Variants in DNAJC6 observed in about 807,000 individuals in gnomAD.
DNAJC6 encodes the protein DnaJ heat shock protein family (Hsp40) member C6, also known as auxilin.
In DNAJC6, 34 loss-of-function variants were observed where a neutral mutation model predicts 110.0. That is an observed-to-expected ratio of 0.31 (90% CI 0.24 to 0.41). The LOEUF (loss-of-function observed/expected upper bound fraction) is 0.41. Among genes scored for constraint, DNAJC6 ranks in the 10% least tolerant of loss-of-function variants. DNAJC6 has a pLI of 1.00. For synonymous variants in DNAJC6, 406 were observed against 437.2 expected (o/e 0.93, Z 0.89); for missense variants, 1,031 against 1,207.8 (o/e 0.85, Z 2.17).
At chr1:65,364,504 A>G (rs1645626599) in intron 1 of DNAJC6, 131 bp from the exon 2 acceptor site, 4 of 1,116,290 alleles carry the variant, frequency 3.6e-6, no homozygotes, top group South Asian at 1.7e-5. Flanking sequence ...GTGGGACACA[A>G]TTTCCAGGAA....
At chr1:65,399,550 A>C (rs1444270038) in intron 14 of DNAJC6, among the ~76,000 whole-genome samples, 1 of 152,120 alleles carries the variant, frequency 6.6e-6, no homozygotes, top group Non-Finnish European at 1.5e-5. Flanking sequence ...CTTCCCCACA[A>C]CGTAACATTT....
At position 65,408,747 on chromosome 1, in the gene DNAJC6, G is replaced by A; in HGVS notation, c.2598G>A (p.Glu866=). ...GPRTIAEMRK[E]EMAKEMDPEK... is the part of the protein sequence containing the mutation. The stretch of plus-strand genomic sequence containing the variant: ...GGACAATAGCTGAGATGAGAAAGGA[G>A]GAAATGGCCAAGGAAATGGATCCTG... The change falls in exon 17 of 19, where the codon GAG becomes GAA. Residue 866 remains glutamate (E), a synonymous_variant. Transcript: ENST00000371069. 6.2e-7 allele frequency: 1 copy of A among 1,613,858 alleles called. No homozygotes were observed. The highest frequency in any genetic ancestry group is 8.5e-7 in the Non-Finnish European group (1 of 1,179,908).
At position 65,415,314 on chromosome 1, in the gene DNAJC6, T is replaced by C. The variant is rs1646160834; in HGVS notation, c.*2289T>C. The stretch of plus-strand genomic sequence containing the variant: ...TAAGTTATTTGGGTACTTGTAGGAA[T>C]ACAATGAGGAGCTTGAATGCCACCT... On this transcript the variant is annotated 3_prime_UTR_variant, in exon 19 of 19. Coordinates refer to ENST00000371069, the MANE Select transcript of DNAJC6 (RefSeq NM_001256864.2). 6.6e-6 allele frequency: 1 copy of C among 152,206 alleles called. No individual in the cohort carries two copies. Among genetic ancestry groups the C allele is most frequent in the Admixed American group, 6.5e-5 (1 of 15,276 alleles). The allele number at this position is 152,206 out of a possible 1,614,324, so 9.4% of individuals were successfully genotyped here. A position where few individuals can be genotyped will look rare whatever the true frequency, so the allele number is the denominator to read the frequency against.
chr1:65,348,987 A>AATATATATGTAAATATATAT (rs1645462873), intron 1 of DNAJC6, among the ~76,000 whole-genome samples: 2 of 145,736 alleles, frequency 1.4e-5, no homozygotes. Context: ...TAAATATATA[A>AATATATATGTAAATATATAT]ATATATATGT....
At chr1:65,393,366 G>A (rs1645947332) in intron 12 of DNAJC6, among the ~76,000 whole-genome samples, 1 of 152,156 alleles carries the variant, frequency 6.6e-6, no homozygotes. Flanking sequence ...AATTGATAAG[G>A]CCAGTGTCCA....
Position 65,389,423 on chromosome 1 carries a change from A to C in DNAJC6, c.1361A>C (p.Glu454Ala), listed in dbSNP as rs1269208254. 1.2e-6 allele frequency: 2 copies of C among 1,614,026 alleles called. No individual in the cohort carries two copies. Among genetic ancestry groups the C allele is most frequent in the Non-Finnish European group, 1.7e-6 (2 of 1,180,022 alleles). The change falls in exon 10 of 19, where the codon GAA becomes GCA. Residue 454 changes from glutamate to alanine, a missense_variant. Coordinates refer to ENST00000371069, the MANE Select transcript of DNAJC6 (RefSeq NM_001256864.2). ...AGCATCCTCTTCTCTTCTCACCAGG[A>C]ACATCAAGATACGCTGGCCTTAGGA... The part of the protein sequence containing the change: ...NPSILFSSHQ[E>A]HQDTLALGGQ...
Position 65,394,480 on chromosome 1 carries a change from C to A in DNAJC6, c.1904-418C>A, listed in dbSNP as rs115685684. Among the ~76,000 whole-genome samples, 495 of 152,242 alleles carry A rather than the reference C, an allele frequency of 3.3e-3. 4 individuals are homozygous for A. Among genetic ancestry groups the A allele is most frequent in the African/African-American group, 0.012 (481 of 41,552 alleles). Reference sequence around the variant, plus strand: ...TAATAGTTACATATTAGCATTGTTGCAAAGACTAAATTTTGAGCTCTTGTC... The same window carrying A: ...TAATAGTTACATATTAGCATTGTTGAAAAGACTAAATTTTGAGCTCTTGTC... On this transcript the variant is annotated intron_variant, in intron 12 of 18. Coordinates refer to ENST00000371069, the MANE Select transcript of DNAJC6 (RefSeq NM_001256864.2).
chr1:65,362,617 A>G (rs1557542061), intron 1 of DNAJC6, among the ~76,000 whole-genome samples: 3 of 152,204 alleles, frequency 2.0e-5, no homozygotes, highest in Non-Finnish European at 4.4e-5. Flanking sequence ...AGTAGGCACA[A>G]TTTTTATCCC....
chr1:65,306,268 C>T (rs1645036909), upstream of DNAJC6, among the ~76,000 whole-genome samples: 1 of 152,016 alleles, frequency 6.6e-6, no homozygotes, highest in Non-Finnish European at 1.5e-5. Flanking sequence ...AGGATGGTCT[C>T]AATCTCCTGA....
intron 1 of DNAJC6, among the ~76,000 whole-genome samples, chr1:65,293,841 T>C (rs1644903402): frequency 6.6e-6 from 1 of 152,198 alleles, no homozygotes; most frequent in Non-Finnish European, 1.5e-5. Flanking sequence ...CTTTTAAGAA[T>C]ATAATTTTCA....
At chr1:65,342,956 T>C (rs1229657255) in intron 1 of DNAJC6, among the ~76,000 whole-genome samples, 6 of 152,216 alleles carry the variant, frequency 3.9e-5, no homozygotes, top group African/African-American at 1.4e-4. Context: ...ATTCTCAATT[T>C]TGCGTTGCAG....
intron 1 of DNAJC6, among the ~76,000 whole-genome samples, chr1:65,318,819 T>A (rs1206560565): frequency 6.6e-6 from 1 of 152,014 alleles, no homozygotes; most frequent in African/African-American, 2.4e-5. Flanking sequence ...CGTTTATCTA[T>A]GTAACAAACA....
intron 16 of DNAJC6, among the ~76,000 whole-genome samples, 170 bp downstream of exon 16, chr1:65,406,303 G>GT (rs922019803): frequency 6.6e-5 from 10 of 151,562 alleles, no homozygotes; most frequent in Non-Finnish European, 2.9e-5. Flanking sequence ...CCCCAACGCT[G>GT]TACCTGGAGG....
At chr1:65,273,135 A>G (rs1653559160) in intron 1 of DNAJC6, among the ~76,000 whole-genome samples, 1 of 151,850 alleles carries the variant, frequency 6.6e-6, no homozygotes, top group Non-Finnish European at 1.5e-5. Context: ...AATTTTTTGT[A>G]TTATACATTT....
At chr1:65,333,805 T>G (rs1645310315) in intron 1 of DNAJC6, among the ~76,000 whole-genome samples, 1 of 152,234 alleles carries the variant, frequency 6.6e-6, no homozygotes, top group South Asian at 2.1e-4. Context: ...AGCTTCAGTC[T>G]TTAATATTGC....
Position 65,309,559 on chromosome 1 carries a change from A to G in DNAJC6, c.-187A>G. 8.8e-7 allele frequency: 1 copy of G among 1,138,492 alleles called. No individual in the cohort carries two copies. Among genetic ancestry groups the G allele is most frequent in the Non-Finnish European group, 1.1e-6 (1 of 934,218 alleles). The allele number at this position is 1,138,492 out of a possible 1,614,324, so 70.5% of individuals were successfully genotyped here. A position where few individuals can be genotyped will look rare whatever the true frequency, so the allele number is the denominator to read the frequency against. ...CGGCGCCCCGAGCCGAGCTCAGCCC[A>G]GGGCGGCGGCTTCGCCTCGCCCGGC... On this transcript the variant is annotated 5_prime_UTR_variant, in exon 1 of 19. Coordinates refer to ENST00000371069, the MANE Select transcript of DNAJC6 (RefSeq NM_001256864.2).
intron 6 of DNAJC6, 110 bp downstream of exon 6, chr1:65,384,436 G>C: frequency 9.2e-7 from 1 of 1,091,474 alleles, no homozygotes; most frequent in Admixed American, 4.2e-5. Flanking sequence ...CTTTATCTCT[G>C]TATTAGTCCA....
chr1:65,363,293 G>C (rs1362109789), intron 1 of DNAJC6, among the ~76,000 whole-genome samples: 1 of 152,118 alleles, frequency 6.6e-6, no homozygotes. Context: ...AAGGTCACCT[G>C]GGTCATCAAA....
At position 65,413,064 on chromosome 1, in the gene DNAJC6, ATGC is replaced by A; in HGVS notation, c.*41_*43del. On this transcript the variant is annotated 3_prime_UTR_variant, in exon 19 of 19. Transcript: ENST00000371069. ...CCATCTCTGCTGCAGACCTGTGCTA[ATGC>A]TTAGTGTGTGTCACAATTCTGAGGT... The A allele has an allele frequency of 1.1e-5, 18 of 1,566,520 alleles. No individual in the cohort carries two copies. Among genetic ancestry groups the A allele is most frequent in the Non-Finnish European group, 1.4e-5 (16 of 1,144,516 alleles).
Sources: allele counts gnomAD v4.1 joint callset (sites outside exome capture counted in the v4.1 genomes callset), GRCh38; gene constraint gnomAD v4.1.1; transcripts MANE v1.5; gene names NCBI Gene and HGNC (gene_info 2026-07-23, HGNC 2026-07-21).